The following SYNGR1 variants were observed in gnomAD, a reference collection of about 807,000 sequenced individuals.
The protein encoded by SYNGR1 is synaptogyrin-1.
Under a neutral mutation model 26.1 loss-of-function variants are expected in SYNGR1, and 14 were observed. That is an observed-to-expected ratio of 0.54 (90% CI 0.35 to 0.84). The LOEUF (loss-of-function observed/expected upper bound fraction) is 0.84. SYNGR1 is among the 40% of genes least tolerant of loss of function. The pLI is 0.01. For synonymous variants in SYNGR1, 141 were observed against 150.1 expected (o/e 0.94, Z 0.44); for missense variants, 319 against 332.9 (o/e 0.96, Z 0.33).
At chr22:39,362,422 G>A (rs923969475) in intron 1 of SYNGR1, among the ~76,000 whole-genome samples, 1 of 151,830 alleles carries the variant, frequency 6.6e-6, no homozygotes, top group South Asian at 2.1e-4. Context: ...GAGGCGGGGT[G>A]GGGGAGGGGC....
At chr22:39,358,834 C>T (rs1431547053) in intron 1 of SYNGR1, among the ~76,000 whole-genome samples, 2 of 152,220 alleles carry the variant, frequency 1.3e-5, no homozygotes, top group South Asian at 2.1e-4. Context: ...GAAGGGCAGT[C>T]ATGCCCTGTG....
In SYNGR1 at chr22:39,374,376, G is replaced by A. The variant is rs757202210; in HGVS notation, c.160G>A (p.Glu54Lys). ...VNEGYLNSAS[E>K]GEEFCIYNRN... ...CGAGGGCTACCTCAACAGCGCCTCC[G>A]AGGGGGAGGAGTTCTGCATCTACAA... Residue 54 changes from glutamate to lysine, a missense_variant, in exon 2 of 4, where the codon GAG (glutamate) becomes AAG (lysine). Coordinates refer to ENST00000328933, the MANE Select transcript of SYNGR1 (RefSeq NM_004711.5). The A allele has an allele frequency of 2.4e-5, 38 of 1,613,966 alleles. 1 individual carries two copies. The Admixed American group carries it at 2.8e-4, about 12-fold the overall frequency.
At chr22:39,376,877 G>T in intron 3 of SYNGR1, 1 of 1,457,524 alleles carries the variant, frequency 6.9e-7, no homozygotes. Flanking sequence ...GTTTATTCAG[G>T]TTTAAACAAT....
chr22:39,369,420 G>C (rs997770682), intron 1 of SYNGR1, among the ~76,000 whole-genome samples: 11 of 152,176 alleles, frequency 7.2e-5, no homozygotes, highest in Admixed American at 2.0e-4. Flanking sequence ...CTGAGCACCA[G>C]ACTTGAGACT....
intron 2 of SYNGR1, 162 bp downstream of exon 2, chr22:39,374,715 T>C: frequency 1.3e-6 from 1 of 782,348 alleles, no homozygotes; most frequent in Middle Eastern, 2.3e-4. Context: ...GCAGGAAGGA[T>C]GGGACCAGGA....
chr22:39,384,525 G>A lies in SYNGR1; in HGVS notation c.*2611G>A. On this transcript the variant is annotated 3_prime_UTR_variant, in exon 4 of 4. Coordinates refer to ENST00000328933, the MANE Select transcript of SYNGR1 (RefSeq NM_004711.5). ...GAGATGAGAGAGGGTGAGAGATGGA[G>A]GGCGAGATTTGGATGGGACCCAGGG... 1 of 398,876 alleles carries A rather than the reference G, an allele frequency of 2.5e-6. No homozygotes were observed. Among genetic ancestry groups the A allele is most frequent in the Non-Finnish European group, 4.4e-6 (1 of 226,180 alleles). The allele number at this position is 398,876 out of a possible 1,614,324, so 24.7% of individuals were successfully genotyped here. A position where few individuals can be genotyped will look rare whatever the true frequency, so the allele number is the denominator to read the frequency against.
At chr22:39,371,057 A>G (rs1020153079) in intron 1 of SYNGR1, among the ~76,000 whole-genome samples, 2 of 152,232 alleles carry the variant, frequency 1.3e-5, no homozygotes, top group African/African-American at 2.4e-5. Context: ...CATGTAAACT[A>G]TAGACATCTT....
rs1364054846 is a variant in SYNGR1 at position 39,382,125 on chromosome 22, G to C, written c.*211G>C. On this transcript the variant is annotated 3_prime_UTR_variant, in exon 4 of 4. Transcript: ENST00000328933. ...TATATCCCAGGGCATGTGCCCCGCA[G>C]GGGCCTAGAGGGTGGGGGCCAGGGG... is the stretch of plus-strand genomic sequence containing the variant. The C allele has an allele frequency of 4.9e-6, 3 of 615,396 alleles. No individual in the cohort carries two copies. Among genetic ancestry groups the C allele is most frequent in the Admixed American group, 5.7e-5 (2 of 34,824 alleles). 38.1% of individuals were successfully genotyped at this position (615,396 alleles called of 1,614,324 possible). A position where few individuals can be genotyped will look rare whatever the true frequency, so the allele number is the denominator to read the frequency against.
chr22:39,383,019 A>C lies in SYNGR1; in HGVS notation c.*1105A>C, dbSNP rs1371376999. The C allele has an allele frequency of 1.3e-5, 2 of 152,190 alleles. No homozygotes were observed. The highest frequency in any genetic ancestry group is 4.8e-5 in the African/African-American group (2 of 41,368). 9.4% of individuals were successfully genotyped at this position (152,190 alleles called of 1,614,324 possible). ...TGAGTGAGTGGCAAAGCTGGCCCTG[A>C]CGCCTGGGTTTCTTGGCCCCAGCTG... On this transcript the variant is annotated 3_prime_UTR_variant, in exon 4 of 4. Coordinates refer to ENST00000328933, the MANE Select transcript of SYNGR1 (RefSeq NM_004711.5).
At chr22:39,365,798 C>T (rs147123806) in intron 1 of SYNGR1, among the ~76,000 whole-genome samples, 36 of 152,004 alleles carry the variant, frequency 2.4e-4, no homozygotes, top group Admixed American at 8.5e-4. Context: ...ATCATTGAGC[C>T]TAAACCCCAC....
chr22:39,380,703 C>T (rs1281992082), intron 3 of SYNGR1, among the ~76,000 whole-genome samples: 1 of 148,712 alleles, frequency 6.7e-6, no homozygotes, highest in Non-Finnish European at 1.5e-5. Flanking sequence ...GTACTGCAAC[C>T]TCCGCCTCCT....
intron 1 of SYNGR1, among the ~76,000 whole-genome samples, chr22:39,361,800 T>C (rs565367595): frequency 1.9e-4 from 29 of 152,262 alleles, no homozygotes; most frequent in African/African-American, 6.3e-4. Flanking sequence ...AGTGTTTGGT[T>C]GGCATTTACA....
intron 1 of SYNGR1, among the ~76,000 whole-genome samples, chr22:39,367,561 G>A (rs939143362): frequency 3.1e-4 from 47 of 152,156 alleles, no homozygotes; most frequent in Non-Finnish European, 4.9e-4. Flanking sequence ...GGTGGCTCAC[G>A]CCTGTAACCC....
rs1188076577 is a variant in SYNGR1 at position 39,376,002 on chromosome 22, C to G, written c.338-50C>G. The G allele has an allele frequency of 3.1e-6, 5 of 1,613,084 alleles. No homozygotes were observed. In the South Asian group the frequency reaches 3.3e-5, roughly 11 times the overall value. On this transcript the variant is annotated intron_variant, in intron 2 of 3. Coordinates refer to ENST00000328933, the MANE Select transcript of SYNGR1 (RefSeq NM_004711.5). ...TCCCCATTTTCTCCCCACTCACCCT[C>G]TCCCCCATGTGTGGCACTGCCTATT...
At chr22:39,378,627 G>T (rs1043259616) in intron 3 of SYNGR1, among the ~76,000 whole-genome samples, 13 of 152,198 alleles carry the variant, frequency 8.5e-5, no homozygotes, top group African/African-American at 3.1e-4. Context: ...CCTCAACCCT[G>T]CGAGGGCCTG....
intron 1 of SYNGR1, among the ~76,000 whole-genome samples, chr22:39,355,113 T>C (rs1191605576): frequency 6.6e-6 from 1 of 152,018 alleles, no homozygotes; most frequent in African/African-American, 2.4e-5. Flanking sequence ...GAGAACAGGA[T>C]TGAGTGGGAA....
In SYNGR1 at chr22:39,350,371, G is replaced by GC. The variant is rs1335429793; in HGVS notation, c.99+268dup. 2.0e-5 allele frequency among the ~76,000 whole-genome samples: 3 copies of GC among 152,128 alleles called. No homozygotes were observed. Among genetic ancestry groups the GC allele is most frequent in the Non-Finnish European group, 4.4e-5 (3 of 67,990 alleles). On this transcript the variant is annotated intron_variant, in intron 1 of 3. Coordinates refer to ENST00000328933, the MANE Select transcript of SYNGR1 (RefSeq NM_004711.5). The surrounding 1 kb of genome is among the most constrained non-coding windows in gnomAD (Gnocchi z 4.3). ...GTTTCCTGGGGCCCCCGGTTCGTGCGCCCCCCTTCCCGCCCCGATTGCTGT... is the reference window on the plus strand; with the variant it reads ...GTTTCCTGGGGCCCCCGGTTCGTGCGCCCCCCCTTCCCGCCCCGATTGCTGT...
chr22:39,364,251 G>A (rs370437345), intron 1 of SYNGR1: 3 of 1,613,982 alleles, frequency 1.9e-6, no homozygotes, highest in Non-Finnish European at 2.5e-6. Flanking sequence ...TAGGCAGCTG[G>A]ACACAGAGGT....
At chr22:39,367,366 A>G (rs1023320853) in intron 1 of SYNGR1, among the ~76,000 whole-genome samples, 1 of 152,240 alleles carries the variant, frequency 6.6e-6, no homozygotes, top group Non-Finnish European at 1.5e-5. Context: ...CTCAGCCTGT[A>G]GCAGGCGGTA....
Sources: gnomAD v4.1 joint callset for allele counts (sites outside exome capture counted in the v4.1 genomes callset) on GRCh38, gnomAD v4.1.1 for gene constraint, Gnocchi (gnomAD v3.1) non-coding constraint, MANE v1.5 for transcripts, NCBI Gene and HGNC (gene_info 2026-07-23, HGNC 2026-07-21) for gene names.